TBL1X: variants seen among roughly 807,000 people sequenced by gnomAD.
TBL1X encodes the protein transducin beta like 1 X-linked.
A neutral mutation model predicts 50.7 loss-of-function variants in TBL1X; 10 were observed. The ratio of observed to expected loss-of-function variants is 0.20; its 90% CI spans 0.12 to 0.33. The LOEUF (loss-of-function observed/expected upper bound fraction) is 0.33, where lower values mean the gene tolerates loss of function less well. TBL1X is among the 10% of genes least tolerant of loss of function. TBL1X has a pLI of 1.00. For synonymous variants in TBL1X, 190 were observed against 214.7 expected (o/e 0.88, Z 1.01); for missense variants, 340 against 504.4 (o/e 0.67, Z 3.12).
At chrX:9,615,942 G>A (rs1211257790) in intron 2 of TBL1X, among the ~76,000 whole-genome samples, 2 of 111,842 alleles carry the variant, frequency 1.8e-5, no homozygotes, top group East Asian at 2.8e-4. Context: ...TTGCATTCAC[G>A]TCATGTTTCC....
chrX:9,676,488 G>T (rs1186063059), intron 5 of TBL1X, among the ~76,000 whole-genome samples: 1 of 112,509 alleles, frequency 8.9e-6, no homozygotes, highest in Non-Finnish European at 1.9e-5. Flanking sequence ...GTCTGCGCTT[G>T]TCAGCGGCCT....
At chrX:9,560,174 G>A (rs1448958772) in intron 2 of TBL1X, among the ~76,000 whole-genome samples, 1 of 112,122 alleles carries the variant, frequency 8.9e-6, no homozygotes, top group East Asian at 2.8e-4. Context: ...AATTCTAGGC[G>A]ATGTTTATGT....
chrX:9,517,178 T>G (rs2082084540), intron 2 of TBL1X, among the ~76,000 whole-genome samples: 1 of 108,764 alleles, frequency 9.2e-6, no homozygotes, highest in Admixed American at 9.8e-5. Context: ...CAGGAACGAG[T>G]TTCTTGCACG....
chrX:9,646,949 C>T (rs1413772908), intron 3 of TBL1X, among the ~76,000 whole-genome samples: 1 of 111,995 alleles, frequency 8.9e-6, no homozygotes, highest in African/African-American at 3.2e-5. Flanking sequence ...CTTGCCCTTT[C>T]TGTCCTTAAC....
At chrX:9,498,182 A>G (rs959021550) in intron 1 of TBL1X, among the ~76,000 whole-genome samples, 2 of 111,893 alleles carry the variant, frequency 1.8e-5, no homozygotes, top group South Asian at 7.4e-4. Context: ...ATACCTACAC[A>G]TAGTTTTATC....
intron 2 of TBL1X, among the ~76,000 whole-genome samples, chrX:9,502,789 G>A (rs961075802): frequency 1.8e-5 from 2 of 112,443 alleles, no homozygotes; most frequent in Non-Finnish European, 3.8e-5. Flanking sequence ...GCTATGTGAA[G>A]ACACAGTGTT....
chrX:9,553,094 G>C (rs770260206), intron 2 of TBL1X, among the ~76,000 whole-genome samples: 3 of 111,395 alleles, frequency 2.7e-5, no homozygotes, highest in Non-Finnish European at 5.7e-5. Flanking sequence ...AGTGAGCCAT[G>C]TTGGCGCCAC....
intron 2 of TBL1X, among the ~76,000 whole-genome samples, chrX:9,516,952 G>A: frequency 9.0e-6 from 1 of 111,720 alleles, no homozygotes; most frequent in East Asian, 2.8e-4. Flanking sequence ...AGGGTTTTGG[G>A]TCCTGAGACT....
chrX:9,701,508 AAAG>A (rs1205869810), intron 12 of TBL1X, among the ~76,000 whole-genome samples: 30 of 103,594 alleles, frequency 2.9e-4, no homozygotes, highest in African/African-American at 1.0e-3. Flanking sequence ...GGCCACATTG[AAAG>A]AAGAATTGTC....
At chrX:9,694,697 G>A (rs2083120389) in intron 11 of TBL1X, among the ~76,000 whole-genome samples, 1 of 111,928 alleles carries the variant, frequency 8.9e-6, no homozygotes, top group Non-Finnish European at 1.9e-5. Flanking sequence ...GAGTTGGCCG[G>A]TCGTGGTGGC....
chrX:9,578,553 T>C (rs778036557), intron 2 of TBL1X, among the ~76,000 whole-genome samples: 1 of 111,456 alleles, frequency 9.0e-6, no homozygotes, highest in African/African-American at 3.3e-5. Context: ...GGGACAGCAA[T>C]AGAGCTCTGT....
intron 2 of TBL1X, among the ~76,000 whole-genome samples, chrX:9,590,045 A>G (rs988983837): frequency 8.9e-6 from 1 of 111,995 alleles, no homozygotes; most frequent in Non-Finnish European, 1.9e-5. Flanking sequence ...GCATTCTGCA[A>G]AACACCTCTC....
intron 2 of TBL1X, among the ~76,000 whole-genome samples, chrX:9,579,993 C>T (rs1413123168): frequency 9.0e-6 from 1 of 111,719 alleles, no homozygotes; most frequent in Non-Finnish European, 1.9e-5. Context: ...CTGTTACTGT[C>T]GACGTAAAGA....
In TBL1X at chrX:9,692,267, C is replaced by T; in HGVS notation, c.891+13C>T. 8.6e-7 allele frequency: 1 copy of T among 1,167,038 alleles called. No individual in the cohort carries two copies. Among genetic ancestry groups the T allele is most frequent in the East Asian group, 3.0e-5 (1 of 33,098 alleles). ...ACTGGACTGGAATGTAAGCATCTTC[C>T]ACCCCCTGGGCACTTTGAAATTGGT... On this transcript the variant is annotated intron_variant, in intron 9 of 17. Transcript: ENST00000645353.
At chrX:9,677,106 T>G (rs17321092) in intron 5 of TBL1X, among the ~76,000 whole-genome samples, 8,610 of 110,854 alleles carry the variant, frequency 0.078, 333 homozygotes, top group Non-Finnish European at 0.12. Flanking sequence ...TCCTCATCCT[T>G]GGCCTCTCTC....
intron 2 of TBL1X, among the ~76,000 whole-genome samples, chrX:9,558,670 C>G (rs1166040694): frequency 1.8e-5 from 2 of 111,233 alleles, no homozygotes; most frequent in Non-Finnish European, 3.8e-5. Context: ...TGATGGGTTA[C>G]TAGGCACCTG....
chrX:9,671,267 AC>A (rs1278091845), intron 5 of TBL1X, among the ~76,000 whole-genome samples: 1 of 112,733 alleles, frequency 8.9e-6, no homozygotes, highest in Non-Finnish European at 1.9e-5. Context: ...GCAGGTGGCC[AC>A]CCCCAGTGGA....
In TBL1X at chrX:9,691,727, T is replaced by TC. The variant is rs1555909448; in HGVS notation, c.749+16_749+17insC. On this transcript the variant is annotated intron_variant, in intron 8 of 17. Coordinates refer to ENST00000645353, the MANE Select transcript of TBL1X (RefSeq NM_005647.4). The stretch of plus-strand genomic sequence containing the variant: ...TAGCCTCCGGGTAAGGATGTCAGGG[T>TC]GGGGGGCGCTCCAGAGTTGGGGAGA... 1.0e-5 allele frequency: 12 copies of TC among 1,204,863 alleles called. No homozygotes were observed. The highest frequency in any genetic ancestry group is 3.6e-5 in the African/African-American group (2 of 56,296).
At chrX:9,496,616 A>C (rs2081972353) in intron 1 of TBL1X, among the ~76,000 whole-genome samples, 2 of 112,463 alleles carry the variant, frequency 1.8e-5, no homozygotes, top group African/African-American at 6.5e-5. Flanking sequence ...AGGTGCAATA[A>C]TGCTGTTTGA....
Sources: gnomAD v4.1 joint callset for allele counts (sites outside exome capture counted in the v4.1 genomes callset) on GRCh38, gnomAD v4.1.1 for gene constraint, MANE v1.5 for transcripts, NCBI Gene and HGNC (gene_info 2026-07-23, HGNC 2026-07-21) for gene names.